IL16: variants seen among roughly 807,000 people sequenced by gnomAD.
IL16 encodes interleukin 16, also known as pro-interleukin-16.
IL16 carries 67 observed loss-of-function variants against 110.1 expected under a neutral mutation model. The observed-to-expected ratio is 0.61, with a 90% confidence interval of 0.50 to 0.75. The LOEUF (loss-of-function observed/expected upper bound fraction) is 0.75, where lower values mean the gene tolerates loss of function less well. IL16 is among the 30% of genes least tolerant of loss of function. The probability of loss-of-function intolerance (pLI) is 0.00; values close to 1 mark genes in which losing one functional copy is unlikely to be tolerated. For missense variants in IL16, 1,545 were observed against 1,655.0 expected (o/e 0.93, Z 1.15); for synonymous variants, 689 against 662.9 (o/e 1.04, Z -0.61).
At chr15:81,229,918 A>C (rs1219168311) in intron 2 of IL16, among the ~76,000 whole-genome samples, 1 of 152,206 alleles carries the variant, frequency 6.6e-6, no homozygotes, top group Non-Finnish European at 1.5e-5. Flanking sequence ...TCTCCTCTGG[A>C]AACGCCTAAT....
At chr15:81,238,349 G>A (rs964297629) in intron 2 of IL16, among the ~76,000 whole-genome samples, 2 of 151,774 alleles carry the variant, frequency 1.3e-5, no homozygotes, top group Admixed American at 6.6e-5. Context: ...TTTGCCATCC[G>A]GTGTAATCCT....
At chr15:81,188,790 T>C (rs1312792039) in intron 1 of IL16, among the ~76,000 whole-genome samples, 2 of 151,520 alleles carry the variant, frequency 1.3e-5, no homozygotes, top group Non-Finnish European at 2.9e-5. Context: ...CATCCCTTCC[T>C]CTCACAGCTA....
At chr15:81,224,994 G>A (rs781023110) in intron 1 of IL16, among the ~76,000 whole-genome samples, 10 of 152,124 alleles carry the variant, frequency 6.6e-5, no homozygotes, top group Non-Finnish European at 1.5e-4. Context: ...CTTATTACTG[G>A]CTCTTCTGCT....
At chr15:81,297,596 G>C (rs149237262) in intron 13 of IL16, among the ~76,000 whole-genome samples, 1 of 152,296 alleles carries the variant, frequency 6.6e-6, no homozygotes, top group Non-Finnish European at 1.5e-5. Flanking sequence ...GCTAGAGAGA[G>C]CATAGGACTT....
chr15:81,272,335 C>A (rs773630147), intron 5 of IL16, among the ~76,000 whole-genome samples: 1 of 152,196 alleles, frequency 6.6e-6, no homozygotes, highest in African/African-American at 2.4e-5. Context: ...CTGTGCCCAC[C>A]CTCCCTTCTC....
At chr15:81,233,819 C>T (rs1244250812) in intron 2 of IL16, among the ~76,000 whole-genome samples, 1 of 151,740 alleles carries the variant, frequency 6.6e-6, no homozygotes, top group Non-Finnish European at 1.5e-5. Flanking sequence ...GCTATTTTCC[C>T]AATCTTTTTT....
intron 8 of IL16, 93 bp from the exon 9 acceptor site, chr15:81,282,546 C>G: frequency 1.1e-6 from 1 of 880,794 alleles, no homozygotes; most frequent in Non-Finnish European, 1.9e-6. Context: ...GCTGTAATAA[C>G]CAGGGGGCCA....
chr15:81,279,162 TTTAAG>T (rs1899051074), intron 7 of IL16, among the ~76,000 whole-genome samples: 2 of 152,234 alleles, frequency 1.3e-5, no homozygotes, highest in Non-Finnish European at 2.9e-5. Context: ...ACAAATCTGT[TTTAAG>T]TTTTTAAGAT....
chr15:81,206,217 G>A (rs1277549172), intron 1 of IL16, among the ~76,000 whole-genome samples: 4 of 150,796 alleles, frequency 2.7e-5, no homozygotes, highest in Non-Finnish European at 5.9e-5. Context: ...TCGTACAAAC[G>A]TTACATAGGG....
intron 12 of IL16, among the ~76,000 whole-genome samples, 167 bp downstream of exon 12, chr15:81,293,204 G>C (rs1388248375): frequency 6.6e-6 from 1 of 152,214 alleles, no homozygotes; most frequent in Non-Finnish European, 1.5e-5. Context: ...ATGAAAAGAT[G>C]GGTTTGAAGG....
chr15:81,207,251 A>C (rs1038280933), intron 1 of IL16, among the ~76,000 whole-genome samples: 41 of 151,200 alleles, frequency 2.7e-4, no homozygotes, highest in South Asian at 4.2e-4. Flanking sequence ...AAAAACAAAA[A>C]AAAAAAAAAA....
rs774481372 is a variant in IL16, at chr15:81,292,850, G to A, written c.1715G>A (p.Ser572Asn). The A allele has an allele frequency of 5.6e-6, 9 of 1,613,926 alleles. No homozygotes were observed. Among genetic ancestry groups the A allele is most frequent in the Non-Finnish European group, 7.6e-6 (9 of 1,179,908 alleles). ...LPQESPPLPESRDSHPPLRLK... is the reference protein window; with the variant it reads ...LPQESPPLPENRDSHPPLRLK... ...CAGGAGAGCCCACCCCTCCCAGAGA[G>A]CCGGGACAGCCACCCGCCGCTGAGA... The change falls in exon 12 of 19, where the codon AGC becomes AAC. Residue 572 changes from serine (S) to asparagine (N), a missense_variant. Around this residue, in one of 3 missense-constraint regions of IL16, gnomAD observed 1,185 missense variants for 1,238.8 expected, o/e 0.96. Transcript: ENST00000683961.
intron 2 of IL16, among the ~76,000 whole-genome samples, chr15:81,242,314 A>G (rs895397325): frequency 6.6e-6 from 1 of 152,218 alleles, no homozygotes; most frequent in Non-Finnish European, 1.5e-5. Context: ...TTAAACCAGC[A>G]TATCAGTTTG....
Position 81,279,606 on chromosome 15 carries a change from G to A in IL16, c.913G>A (p.Ala305Thr). ...CCTCACCGTGAGAACCCGCCTGACG[G>A]CGCCTCCTTCCCTGTGCAGCCACCT... ...LTLTVRTRLTAPPSLCSHLSP... is the reference protein window; with the variant it reads ...LTLTVRTRLTTPPSLCSHLSP... Residue 305 changes from alanine to threonine, a missense_variant, in exon 8 of 19, where the codon GCG becomes ACG. Ala to Thr is a moderately conservative substitution (Grantham distance 58). Transcript: ENST00000683961. 6.2e-7 allele frequency: 1 copy of A among 1,614,046 alleles called. No homozygotes were observed. Among genetic ancestry groups the A allele is most frequent in the African/African-American group, 1.3e-5 (1 of 75,062 alleles).
Position 81,297,302 on chromosome 15 carries a change from G to C in IL16, c.2053+224G>C, listed in dbSNP as rs1900036749. On this transcript the variant is annotated intron_variant, in intron 13 of 18. Transcript: ENST00000683961. ...GGTGGACGGGTGATGCTGTGGGGGT[G>C]GCAGCAGGAATGCAGGCCATTCTGG... 2.0e-5 allele frequency among the ~76,000 whole-genome samples: 3 copies of C among 152,048 alleles called. No homozygotes were observed. In the South Asian group the frequency reaches 6.2e-4, roughly 31 times the overall value.
At position 81,303,606 on chromosome 15, in the gene IL16, T is replaced by G. The variant is rs1227688979; in HGVS notation, c.3376T>G (p.Phe1126Val). ...LHKEEGAGLG[F>V]SLAGGADLEN... ...CAAGGAGGAAGGTGCTGGTCTTGGG[T>G]TCAGCTTGGCAGGAGGAGCAGATCT... is the stretch of plus-strand genomic sequence containing the variant. Residue 1126 changes from phenylalanine (F) to valine (V), a missense_variant, in exon 16 of 19, where the codon TTC becomes GTC. By Grantham distance (50) the Phe-to-Val change is conservative. Transcript: ENST00000683961. This position sits in a 1 kb window ranked among gnomAD's most constrained non-coding sequence, Gnocchi z 4.1. 1.2e-6 allele frequency: 2 copies of G among 1,613,974 alleles called. No homozygotes were observed. Among genetic ancestry groups the G allele is most frequent in the Non-Finnish European group, 1.7e-6 (2 of 1,179,932 alleles).
intron 2 of IL16, among the ~76,000 whole-genome samples, chr15:81,253,394 T>C (rs1897836243): frequency 6.6e-6 from 1 of 152,326 alleles, no homozygotes; most frequent in East Asian, 1.9e-4. Context: ...AGATATATGA[T>C]TTGCAAATAT....
intron 18 of IL16, among the ~76,000 whole-genome samples, chr15:81,308,376 C>T (rs1407141775): frequency 1.3e-5 from 2 of 152,226 alleles, no homozygotes; most frequent in Non-Finnish European, 2.9e-5. Context: ...CTGGGGACAG[C>T]AAGGGCTATC....
chr15:81,197,219 T>A, intron 1 of IL16, 67 bp downstream of exon 1: 1 of 1,103,962 alleles, frequency 9.1e-7, no homozygotes, highest in Admixed American at 2.7e-5. Context: ...GAAGCTGGCC[T>A]CTCTGACCTG....
Sources: gnomAD v4.1 joint callset for allele counts (sites outside exome capture counted in the v4.1 genomes callset) on GRCh38, gnomAD v4.1.1 for gene constraint, gnomAD v4.1.1 regional missense constraint, Gnocchi (gnomAD v3.1) non-coding constraint, MANE v1.5 for transcripts, NCBI Gene and HGNC (gene_info 2026-07-23, HGNC 2026-07-21) for gene names.